The following MRTFB variants were observed in gnomAD, a reference collection of about 807,000 sequenced individuals.
MRTFB encodes myocardin-related transcription factor B.
Under a neutral mutation model 104.2 loss-of-function variants are expected in MRTFB, and 29 were observed. The observed-to-expected ratio is 0.28, with a 90% CI of 0.21 to 0.38. The LOEUF is 0.38. Among genes scored for constraint, MRTFB ranks in the 10% least tolerant of loss-of-function variants. The pLI is 1.00. For synonymous variants in MRTFB, 535 were observed against 519.5 expected, an observed-to-expected ratio of 1.03 and a Z score of -0.41; for missense variants, 1,270 against 1,341.6, an observed-to-expected ratio of 0.95 and a Z score of 0.83.
At chr16:14,037,925 G>A in the MRTFB span, among the ~76,000 whole-genome samples, 1 of 152,156 alleles carries the variant, frequency 6.6e-6, no homozygotes, top group African/African-American at 2.4e-5. Flanking sequence ...TATTTTCTCT[G>A]TGACATTGGC....
chr16:14,229,324 C>T (rs1372914676), intron 8 of MRTFB, among the ~76,000 whole-genome samples: 2 of 120,980 alleles, frequency 1.7e-5, no homozygotes, highest in Non-Finnish European at 3.4e-5. Flanking sequence ...ATATGCAATG[C>T]GTGATTTTTG....
At chr16:14,231,660 C>T (rs1021123121) in intron 8 of MRTFB, among the ~76,000 whole-genome samples, 7 of 152,028 alleles carry the variant, frequency 4.6e-5, no homozygotes, top group South Asian at 2.1e-4. Flanking sequence ...TGCATTCGTT[C>T]ACTACTGTAA....
chr16:14,097,187 C>T (rs1309888677), intron 2 of MRTFB, among the ~76,000 whole-genome samples: 1 of 152,206 alleles, frequency 6.6e-6, no homozygotes, highest in South Asian at 2.1e-4. Context: ...TGAAATCCAG[C>T]ACTTACAACA....
chr16:14,217,294 C>T lies in MRTFB; in HGVS notation c.514+7C>T. On this transcript the variant is annotated splice_region_variant and intron_variant, in intron 7 of 16. Transcript: ENST00000571589. ...GTTAAAGAAGCAATTATAGGCAAGA[C>T]TCTAAAAATTTACTATTTGGGGTGA... 2 of 1,576,010 alleles carry T rather than the reference C, an allele frequency of 1.3e-6. No homozygotes were observed. Among genetic ancestry groups the T allele is most frequent in the Non-Finnish European group, 1.7e-6 (2 of 1,166,492 alleles).
intron 1 of MRTFB, among the ~76,000 whole-genome samples, chr16:14,074,333 A>G (rs2141788793): frequency 6.6e-6 from 1 of 152,330 alleles, no homozygotes; most frequent in South Asian, 2.1e-4. Flanking sequence ...TTTTAAAATC[A>G]GAACTTTAAA....
intron 5 of MRTFB, among the ~76,000 whole-genome samples, 189 bp downstream of exon 5, chr16:14,212,598 T>C (rs1221537390): frequency 6.6e-6 from 1 of 152,198 alleles, no homozygotes; most frequent in African/African-American, 2.4e-5. Flanking sequence ...AGAAAATACA[T>C]GACATTCAAA....
At chr16:14,173,231 A>G (rs1474910613) in intron 3 of MRTFB, among the ~76,000 whole-genome samples, 1 of 152,134 alleles carries the variant, frequency 6.6e-6, no homozygotes, top group African/African-American at 2.4e-5. Context: ...TTGAGTATCA[A>G]CTTGCCTTAG....
At chr16:14,131,794 G>C (rs1227555234) in intron 2 of MRTFB, among the ~76,000 whole-genome samples, 3 of 151,526 alleles carry the variant, frequency 2.0e-5, no homozygotes, top group Non-Finnish European at 2.9e-5. Flanking sequence ...AAAAAAGAGA[G>C]AATGTGGAGA....
the MRTFB span, among the ~76,000 whole-genome samples, chr16:14,044,014 G>A: frequency 6.6e-6 from 1 of 152,158 alleles, no homozygotes; most frequent in South Asian, 2.1e-4. Flanking sequence ...GTCACCTTAT[G>A]AGACTTATGA....
At chr16:14,002,385 A>T in the MRTFB span, among the ~76,000 whole-genome samples, 2 of 145,208 alleles carry the variant, frequency 1.4e-5, no homozygotes, top group African/African-American at 5.0e-5. Flanking sequence ...TCCGTCCGGG[A>T]AAAAAAAAAA....
intron 3 of MRTFB, among the ~76,000 whole-genome samples, chr16:14,146,957 A>G (rs934190776): frequency 7.9e-5 from 12 of 152,218 alleles, no homozygotes; most frequent in African/African-American, 2.7e-4. Context: ...AAACAAATAG[A>G]TGCTCAATAG....
At chr16:14,032,472 C>A in the MRTFB span, among the ~76,000 whole-genome samples, 1 of 152,224 alleles carries the variant, frequency 6.6e-6, no homozygotes, top group Non-Finnish European at 1.5e-5. Context: ...GAACTTGAAT[C>A]CTTTATCATA....
At chr16:14,104,628 C>CA (rs561133288) in intron 2 of MRTFB, among the ~76,000 whole-genome samples, 11 of 152,112 alleles carry the variant, frequency 7.2e-5, no homozygotes, top group African/African-American at 2.6e-4. Context: ...GGAATCCAAA[C>CA]AAAAAAATGA....
rs1484691143 is a variant in MRTFB, at chr16:14,258,136, C to T, written c.2739C>T (p.Leu913=). 1 of 1,613,998 alleles carries T rather than the reference C, an allele frequency of 6.2e-7. No homozygotes were observed. The highest frequency in any genetic ancestry group is 8.5e-7 in the Non-Finnish European group (1 of 1,179,914). The change falls in exon 16 of 17, where the codon CTC becomes CTT. Residue 913 remains leucine, a synonymous_variant. Coordinates refer to ENST00000571589, the MANE Select transcript of MRTFB (RefSeq NM_001308142.2). The part of the protein sequence containing the change: ...SNAHSQQMDD[L]FDILIKSGEI... ...CTCACAGTCAGCAGATGGATGACCTCTTTGATATCCTCATTAAGAGTGGAG... is the reference window on the plus strand; with the variant it reads ...CTCACAGTCAGCAGATGGATGACCTTTTTGATATCCTCATTAAGAGTGGAG...
At chr16:14,165,719 T>C (rs2039211059) in intron 3 of MRTFB, among the ~76,000 whole-genome samples, 1 of 152,230 alleles carries the variant, frequency 6.6e-6, no homozygotes, top group Admixed American at 6.5e-5. Context: ...TTTCTCCCTG[T>C]TCATCCAACT....
intron 3 of MRTFB, chr16:14,186,766 G>A: frequency 6.7e-7 from 1 of 1,503,490 alleles, no homozygotes. Flanking sequence ...GCCTTCAGCT[G>A]CTTAAAGACA....
chr16:14,022,580 A>G, the MRTFB span, among the ~76,000 whole-genome samples: 1 of 152,018 alleles, frequency 6.6e-6, no homozygotes, highest in Non-Finnish European at 1.5e-5. Context: ...TATTTTTAGT[A>G]AAGACAGGGT....
chr16:14,118,533 C>T (rs2036665136), intron 2 of MRTFB, among the ~76,000 whole-genome samples: 1 of 151,508 alleles, frequency 6.6e-6, no homozygotes, highest in African/African-American at 2.4e-5. Flanking sequence ...GGCGTGGTGG[C>T]TTAATGCCTG....
At chr16:14,230,591 T>C (rs2042213833) in intron 8 of MRTFB, among the ~76,000 whole-genome samples, 1 of 152,106 alleles carries the variant, frequency 6.6e-6, no homozygotes, top group African/African-American at 2.4e-5. Flanking sequence ...AGATACCATC[T>C]CACACCAGTT....
Sources: allele counts gnomAD v4.1 joint callset (sites outside exome capture counted in the v4.1 genomes callset), GRCh38; gene constraint gnomAD v4.1.1; transcripts MANE v1.5; gene names NCBI Gene and HGNC (gene_info 2026-07-23, HGNC 2026-07-21).